The following PDPK1 variants were observed in gnomAD, a reference collection of about 807,000 sequenced individuals.
PDPK1 encodes the protein 3-phosphoinositide-dependent protein kinase 1.
PDPK1 carries 7 observed loss-of-function variants against 39.8 expected under a neutral mutation model. That is an observed-to-expected ratio of 0.18 (90% CI 0.10 to 0.33). The LOEUF is 0.33. Among genes scored for constraint, PDPK1 ranks in the 10% least tolerant of loss-of-function variants. PDPK1 has a pLI of 1.00. For synonymous variants in PDPK1, 118 were observed against 159.1 expected (o/e 0.74, Z 1.95); for missense variants, 182 against 384.7 (o/e 0.47, Z 4.41).
chr16:2,596,614 T>TATAAATCATATTACTTCTACAGTAG (rs2067107406), intron 12 of PDPK1, among the ~76,000 whole-genome samples: 1 of 152,248 alleles, frequency 6.6e-6, no homozygotes, highest in Non-Finnish European at 1.5e-5. Flanking sequence ...CTTTTTCAAA[T>TATAAATCATATTACTTCTACAGTAG]ATAAATCATA....
chr16:2,586,923 T>C, intron 11 of PDPK1, 30 bp downstream of exon 11: 1 of 1,590,940 alleles, frequency 6.3e-7, no homozygotes, highest in Non-Finnish European at 8.6e-7. Flanking sequence ...AGCAATGCTT[T>C]TTGCAGAATT....
chr16:2,589,396 A>C (rs1447515823), intron 11 of PDPK1, among the ~76,000 whole-genome samples: 2 of 152,204 alleles, frequency 1.3e-5, no homozygotes, highest in African/African-American at 4.8e-5. Flanking sequence ...TTGTGCCTAC[A>C]TGAGAATACG....
chr16:2,553,600 CA>C (rs1443407449), intron 1 of PDPK1, among the ~76,000 whole-genome samples: 2 of 122,880 alleles, frequency 1.6e-5, no homozygotes, highest in Admixed American at 8.0e-5. Context: ...CTTGGCCTCC[CA>C]AAATGGGAGA....
intron 1 of PDPK1, among the ~76,000 whole-genome samples, chr16:2,545,969 C>T (rs533120422): frequency 2.0e-5 from 3 of 152,218 alleles, no homozygotes; most frequent in South Asian, 2.1e-4. Flanking sequence ...GTAGTTGTCT[C>T]GTATTTTATA....
chr16:2,592,509 A>G, intron 11 of PDPK1: 1 of 327,000 alleles, frequency 3.1e-6, no homozygotes, highest in Non-Finnish European at 6.0e-6. Flanking sequence ...CCCTGTCTCT[A>G]CTAAAATTAC....
chr16:2,552,476 C>G (rs1334471589), intron 1 of PDPK1, among the ~76,000 whole-genome samples: 2 of 151,520 alleles, frequency 1.3e-5, no homozygotes, highest in Non-Finnish European at 2.9e-5. Flanking sequence ...GTTGGGGGCT[C>G]GGGCTGGGGC....
chr16:2,538,101 G>T lies in PDPK1; in HGVS notation c.-12G>T. 1 of 1,061,090 alleles carries T rather than the reference G, an allele frequency of 9.4e-7. No individual in the cohort carries two copies. Among genetic ancestry groups the T allele is most frequent in the Non-Finnish European group, 1.1e-6 (1 of 877,764 alleles). The allele number at this position is 1,061,090 out of a possible 1,614,324, so 65.7% of individuals were successfully genotyped here. A position where few individuals can be genotyped will look rare whatever the true frequency, so the allele number is the denominator to read the frequency against. On this transcript the variant is annotated 5_prime_UTR_variant, in exon 1 of 14. Coordinates refer to ENST00000342085, the MANE Select transcript of PDPK1 (RefSeq NM_002613.5). ...GCGCTGCGGGGGAGGCGCCCGCGCC[G>T]ACGCGGGGCCCATGGCCAGGACCAC...
rs1414270641 is a variant in PDPK1 at position 2,597,920 on chromosome 16, G to GA, written c.*161dup. The GA allele has an allele frequency of 5.4e-5, 32 of 587,338 alleles. No homozygotes were observed. The highest frequency in any genetic ancestry group is 9.0e-4 in the Middle Eastern group (2 of 2,230). 36.4% of individuals were successfully genotyped at this position (587,338 alleles called of 1,614,324 possible). A position where few individuals can be genotyped will look rare whatever the true frequency, so the allele number is the denominator to read the frequency against. On this transcript the variant is annotated 3_prime_UTR_variant, in exon 14 of 14. Transcript: ENST00000342085. The surrounding 1 kb of genome is among the most constrained non-coding windows in gnomAD (Gnocchi z 6.3). ...AGCATTTTTATTTAAAAGAAAAGAA[G>GA]AAAAAAAACACCCAACCACACAAAG...
Position 2,586,725 on chromosome 16 carries a change from C to A in PDPK1, c.1175C>A (p.Ser392Tyr), listed in dbSNP as rs1361007557. ...GGCTGCATGCAGGTGTCTTCGTCCT[C>A]CTCCTCACACTCCCTGTCAGCCTCC... ...QFGCMQVSSS[S>Y]SSHSLSASDT... The change falls in exon 11 of 14, where the codon TCC (serine) becomes TAC (tyrosine). Residue 392 changes from serine to tyrosine, a missense_variant. Physicochemically the swap from Ser to Tyr is moderately radical, Grantham distance 144 (BLOSUM62 -2). Transcript: ENST00000342085. The A allele has an allele frequency of 6.2e-7, 1 of 1,614,138 alleles. No homozygotes were observed. The highest frequency in any genetic ancestry group is 1.7e-5 in the Admixed American group (1 of 60,012).
rs1354621651 is a variant in PDPK1 at position 2,597,694 on chromosome 16, A to C, written c.1598A>C (p.His533Pro). The change falls in exon 14 of 14, where the codon CAC becomes CCC. Residue 533 changes from histidine (H) to proline (P), a missense_variant. By Grantham distance (77) the His-to-Pro change is moderately conservative. This residue lies in a region of PDPK1 where 67 missense variants were observed against 87.8 expected (regional missense o/e 0.76). Coordinates refer to ENST00000342085, the MANE Select transcript of PDPK1 (RefSeq NM_002613.5). This position sits in a 1 kb window ranked among gnomAD's most constrained non-coding sequence, Gnocchi z 6.3. ...CTGATGGACCCCAGCGGGAACGCACACAAGTGGTGCAGGAAGATCCAGGAG... is the reference window on the plus strand; with the variant it reads ...CTGATGGACCCCAGCGGGAACGCACCCAAGTGGTGCAGGAAGATCCAGGAG... Reference protein sequence around the residue: ...YYLMDPSGNAHKWCRKIQEVW... With the variant: ...YYLMDPSGNAPKWCRKIQEVW... 12 of 1,613,740 alleles carry C rather than the reference A, an allele frequency of 7.4e-6. No individual in the cohort carries two copies. Among genetic ancestry groups the C allele is most frequent in the South Asian group, 4.4e-5 (4 of 91,078 alleles).
chr16:2,586,442 T>C (rs1206524888), intron 10 of PDPK1, among the ~76,000 whole-genome samples: 2 of 152,212 alleles, frequency 1.3e-5, no homozygotes, highest in Non-Finnish European at 2.9e-5. Flanking sequence ...GCTTCGCCCC[T>C]CTCTGGCCCT....
chr16:2,538,288 C>T, intron 1 of PDPK1, 152 bp downstream of exon 1: 1 of 279,340 alleles, frequency 3.6e-6, no homozygotes, highest in Non-Finnish European at 5.5e-6. Context: ...ATGGCGGGCG[C>T]CGGCCGAGGG....
At chr16:2,538,292 C>T (rs1245338515) in intron 1 of PDPK1, 156 bp downstream of exon 1, 4 of 267,384 alleles carry the variant, frequency 1.5e-5, no homozygotes, top group African/African-American at 2.3e-5. Flanking sequence ...CGGGCGCCGG[C>T]CGAGGGCGCT....
intron 1 of PDPK1, among the ~76,000 whole-genome samples, chr16:2,553,275 A>G (rs988117670): frequency 1.5e-5 from 2 of 136,428 alleles, no homozygotes; most frequent in African/African-American, 6.1e-5. Flanking sequence ...TCCCAGCCCA[A>G]GTGATCCTCC....
rs2067032256 is a variant in PDPK1 at position 2,593,389 on chromosome 16, G to T, written c.1344-2404G>T. ...CCTTTCCCGCCCCAGCTGTGGTCCT[G>T]GTGGTTTTTTAGGTGGAGGTGGTTT... On this transcript the variant is annotated intron_variant, in intron 11 of 13. Coordinates refer to ENST00000342085, the MANE Select transcript of PDPK1 (RefSeq NM_002613.5). This position sits in a 1 kb window ranked among gnomAD's most constrained non-coding sequence, Gnocchi z 4.2. The T allele has an allele frequency of 9.2e-6, 3 of 325,518 alleles. No individual in the cohort carries two copies. Among genetic ancestry groups the T allele is most frequent in the Non-Finnish European group, 1.8e-5 (3 of 168,908 alleles). The allele number at this position is 325,518 out of a possible 1,614,324, so 20.2% of individuals were successfully genotyped here. A position where few individuals can be genotyped will look rare whatever the true frequency, so the allele number is the denominator to read the frequency against.
intron 10 of PDPK1, among the ~76,000 whole-genome samples, chr16:2,584,961 G>T (rs1484683357): frequency 6.6e-6 from 1 of 152,248 alleles, no homozygotes; most frequent in Non-Finnish European, 1.5e-5. Flanking sequence ...CGGGGCTGCA[G>T]TGCTCTCCCT....
chr16:2,553,261 G>C (rs1373704898), intron 1 of PDPK1, among the ~76,000 whole-genome samples: 1 of 134,190 alleles, frequency 7.5e-6, no homozygotes, highest in Non-Finnish European at 1.6e-5. Context: ...CCACAACCTT[G>C]AACTCCCAGC....
At chr16:2,596,481 A>G (rs964969228) in intron 12 of PDPK1, among the ~76,000 whole-genome samples, 20 of 152,234 alleles carry the variant, frequency 1.3e-4, no homozygotes, top group African/African-American at 4.6e-4. Flanking sequence ...GGCGTGAGCC[A>G]CGGCGCCCGG....
chr16:2,589,406 G>A (rs1157090026), intron 11 of PDPK1, among the ~76,000 whole-genome samples: 2 of 152,076 alleles, frequency 1.3e-5, no homozygotes, highest in South Asian at 2.1e-4. Flanking sequence ...ATGAGAATAC[G>A]GTAAGTTAAG....
Sources: allele counts gnomAD v4.1 joint callset (sites outside exome capture counted in the v4.1 genomes callset), GRCh38; gene constraint gnomAD v4.1.1; regional missense constraint gnomAD v4.1.1; non-coding constraint Gnocchi (gnomAD v3.1); transcripts MANE v1.5; gene names NCBI Gene and HGNC (gene_info 2026-07-23, HGNC 2026-07-21).